The following TMEM132B variants were observed in gnomAD, a reference collection of about 807,000 sequenced individuals.
TMEM132B encodes transmembrane protein 132B.
TMEM132B carries 18 observed loss-of-function variants against 90.8 expected under a neutral mutation model. The observed-to-expected ratio is 0.20, with a 90% CI of 0.14 to 0.29. TMEM132B has a LOEUF of 0.29. Among genes scored for constraint, TMEM132B ranks in the 10% least tolerant of loss-of-function variants. The probability of loss-of-function intolerance (pLI) is 1.00; values close to 1 mark genes in which losing one functional copy is unlikely to be tolerated. For synonymous variants in TMEM132B, 504 were observed against 523.3 expected (o/e 0.96, Z 0.50); for missense variants, 1,096 against 1,326.8 (o/e 0.83, Z 2.70).
At chr12:125,353,666 C>T (rs1877669978) in intron 2 of TMEM132B, among the ~76,000 whole-genome samples, 2 of 152,154 alleles carry the variant, frequency 1.3e-5, no homozygotes, top group Admixed American at 1.3e-4. Flanking sequence ...TCCAGGGTCA[C>T]ACAGGTAGGG....
chr12:125,395,499 C>G (rs1593121475), intron 2 of TMEM132B, among the ~76,000 whole-genome samples: 1 of 152,306 alleles, frequency 6.6e-6, no homozygotes, highest in East Asian at 1.9e-4. Flanking sequence ...AATATTTGCT[C>G]TCTGTGCTCA....
At chr12:125,235,916 G>A (rs1411755148) in intron 1 of TMEM132B, among the ~76,000 whole-genome samples, 1 of 143,176 alleles carries the variant, frequency 7.0e-6, no homozygotes, top group Non-Finnish European at 1.5e-5. Context: ...CGATCCTCCT[G>A]CCTCAGCCTC....
chr12:125,585,457 A>T lies in TMEM132B; in HGVS notation c.1437+1463A>T, dbSNP rs563028685. ...ATTGACAATGCGCAAGTTTTACACT[A>T]TTTTTACTATTCCCATGTCATTCTA... On this transcript the variant is annotated intron_variant, in intron 5 of 8. Coordinates refer to ENST00000682704, the MANE Select transcript of TMEM132B (RefSeq NM_001366854.1). 5 of 152,304 alleles carry T rather than the reference A, an allele frequency of 3.3e-5. No homozygotes were observed. The East Asian group carries it at 9.6e-4, about 29-fold the overall frequency. 9.4% of individuals were successfully genotyped at this position (152,304 alleles called of 1,614,324 possible). A position where few individuals can be genotyped will look rare whatever the true frequency, so the allele number is the denominator to read the frequency against.
intron 1 of TMEM132B, among the ~76,000 whole-genome samples, chr12:125,235,678 C>A (rs1186559137): frequency 2.6e-5 from 4 of 151,946 alleles, no homozygotes; most frequent in African/African-American, 9.7e-5. Context: ...ATGGATTGGC[C>A]AAGTTTGGGT....
At chr12:125,282,186 C>T (rs1875209066) in intron 1 of TMEM132B, among the ~76,000 whole-genome samples, 1 of 152,024 alleles carries the variant, frequency 6.6e-6, no homozygotes, top group South Asian at 2.1e-4. Flanking sequence ...CCCATCTGAG[C>T]TTGCCTTCTT....
At chr12:125,289,578 A>G (rs1414202026) in intron 1 of TMEM132B, among the ~76,000 whole-genome samples, 1 of 152,252 alleles carries the variant, frequency 6.6e-6, no homozygotes, top group Non-Finnish European at 1.5e-5. Context: ...ACCCAGACAG[A>G]GAATAACAAT....
intron 5 of TMEM132B, among the ~76,000 whole-genome samples, chr12:125,605,819 T>A (rs953972345): frequency 2.6e-5 from 4 of 152,126 alleles, no homozygotes; most frequent in African/African-American, 9.7e-5. Context: ...AGGTTTCAGA[T>A]CCAAGCCGAC....
chr12:125,325,587 C>A (rs1876537592), intron 1 of TMEM132B, among the ~76,000 whole-genome samples: 1 of 151,778 alleles, frequency 6.6e-6, no homozygotes, highest in Non-Finnish European at 1.5e-5. Context: ...AAACATGGGG[C>A]CTCCATTTTT....
intron 3 of TMEM132B, among the ~76,000 whole-genome samples, chr12:125,510,246 G>A (rs576213471): frequency 6.6e-5 from 10 of 152,270 alleles, no homozygotes; most frequent in African/African-American, 1.9e-4. Context: ...AGAAAGTGGA[G>A]GTGCCTCAAG....
intron 1 of TMEM132B, among the ~76,000 whole-genome samples, chr12:125,203,128 AT>A (rs1873103453): frequency 6.6e-6 from 1 of 152,040 alleles, no homozygotes; most frequent in South Asian, 2.1e-4. Flanking sequence ...TTGCATGAAT[AT>A]TTTTTTATTT....
chr12:125,602,230 C>T (rs533362784), intron 5 of TMEM132B, among the ~76,000 whole-genome samples: 1 of 152,286 alleles, frequency 6.6e-6, no homozygotes, highest in South Asian at 2.1e-4. Context: ...TACTGGCAAA[C>T]CGAATCTAGC....
At chr12:125,345,040 C>T (rs893384281) in intron 1 of TMEM132B, among the ~76,000 whole-genome samples, 20 of 152,136 alleles carry the variant, frequency 1.3e-4, no homozygotes, top group Admixed American at 5.9e-4. Flanking sequence ...TGATTATTCC[C>T]GCGGTACCCA....
At chr12:125,369,479 GA>G (rs1878229844) in intron 2 of TMEM132B, among the ~76,000 whole-genome samples, 2 of 152,154 alleles carry the variant, frequency 1.3e-5, no homozygotes. Flanking sequence ...GAAAGGATGA[GA>G]TTTTTTTCAG....
intron 3 of TMEM132B, among the ~76,000 whole-genome samples, chr12:125,424,160 T>C (rs1290031558): frequency 6.6e-6 from 1 of 152,254 alleles, no homozygotes; most frequent in Non-Finnish European, 1.5e-5. Flanking sequence ...TTGCATCTTT[T>C]TCCTGTTAAA....
chr12:125,547,785 G>A (rs1566069781), intron 4 of TMEM132B, among the ~76,000 whole-genome samples: 1 of 152,122 alleles, frequency 6.6e-6, no homozygotes. Flanking sequence ...CCAGGCCAGT[G>A]GTCCCTGGCT....
chr12:125,507,687 G>A (rs933416310), intron 3 of TMEM132B, among the ~76,000 whole-genome samples: 7 of 152,126 alleles, frequency 4.6e-5, no homozygotes, highest in African/African-American at 1.7e-4. Flanking sequence ...GGGAGAGAGT[G>A]GGGGACAAGT....
intron 4 of TMEM132B, among the ~76,000 whole-genome samples, chr12:125,547,439 C>G (rs1419360368): frequency 6.6e-6 from 1 of 151,872 alleles, no homozygotes; most frequent in Non-Finnish European, 1.5e-5. Flanking sequence ...TGTGTGTTGT[C>G]TTTTTTAATA....
At chr12:125,510,769 G>GT (rs995802887) in intron 3 of TMEM132B, among the ~76,000 whole-genome samples, 74 of 152,032 alleles carry the variant, frequency 4.9e-4, no homozygotes, top group African/African-American at 1.6e-3. Context: ...TACCATGCAT[G>GT]TTTTTTTGCA....
At position 125,589,287 on chromosome 12, in the gene TMEM132B, C is replaced by T. The variant is rs999958451; in HGVS notation, c.1437+5293C>T. ...CACGAGGTCAGGAGATCGAGACCAT[C>T]CTGGCTAACACGGTGAAACCCTGTC... On this transcript the variant is annotated intron_variant, in intron 5 of 8. Transcript: ENST00000682704. Among the ~76,000 whole-genome samples, 15 of 152,002 alleles carry T rather than the reference C, an allele frequency of 9.9e-5. No individual in the cohort carries two copies. In the East Asian group the frequency reaches 1.8e-3, roughly 18 times the overall value.
Sources: allele counts gnomAD v4.1 joint callset (sites outside exome capture counted in the v4.1 genomes callset), GRCh38; gene constraint gnomAD v4.1.1; transcripts MANE v1.5; gene names NCBI Gene and HGNC (gene_info 2026-07-23, HGNC 2026-07-21).